The following ALG14 variants were observed in gnomAD, a reference collection of about 807,000 sequenced individuals.
ALG14 encodes the protein UDP-N-acetylglucosamine transferase subunit ALG14.
In ALG14, 17 loss-of-function variants were observed where a neutral mutation model predicts 22.8. The ratio of observed to expected loss-of-function variants is 0.75; its 90% CI spans 0.51 to 1.12. The LOEUF (loss-of-function observed/expected upper bound fraction) is 1.12, where lower values mean the gene tolerates loss of function less well. Ranked by LOEUF, ALG14 falls within the 50% of genes most tolerant of loss-of-function variation. ALG14 has a pLI of 0.00. For missense variants in ALG14, 288 were observed against 271.8 expected (o/e 1.06, Z -0.42); for synonymous variants, 89 against 103.7 (o/e 0.86, Z 0.86).
intron 3 of ALG14, among the ~76,000 whole-genome samples, chr1:95,008,339 CTT>C (rs1283781856): frequency 1.3e-5 from 2 of 152,172 alleles, no homozygotes; most frequent in East Asian, 1.9e-4. Flanking sequence ...TATGTGAACA[CTT>C]ATCACAAAAT....
chr1:95,014,731 C>T (rs1287058255), intron 3 of ALG14, among the ~76,000 whole-genome samples: 1 of 151,960 alleles, frequency 6.6e-6, no homozygotes, highest in East Asian at 1.9e-4. Flanking sequence ...AAATAAAAAG[C>T]TTATAACAAA....
chr1:95,044,945 G>T (rs1674498888), intron 2 of ALG14, among the ~76,000 whole-genome samples: 2 of 151,912 alleles, frequency 1.3e-5, no homozygotes, highest in Admixed American at 1.3e-4. Context: ...GAAAATCTTT[G>T]TTAAGTTTTT....
At chr1:95,053,852 A>C (rs990734203) in intron 2 of ALG14, among the ~76,000 whole-genome samples, 1 of 152,196 alleles carries the variant, frequency 6.6e-6, no homozygotes, top group Non-Finnish European at 1.5e-5. Context: ...TGGGGAATAT[A>C]ATTTCTTTTT....
At chr1:95,056,691 T>C (rs912444345) in intron 2 of ALG14, among the ~76,000 whole-genome samples, 1 of 151,900 alleles carries the variant, frequency 6.6e-6, no homozygotes, top group Admixed American at 6.6e-5. Context: ...AACACTTGAG[T>C]ATAACTCTAT....
At chr1:95,056,034 A>G (rs1315656776) in intron 2 of ALG14, among the ~76,000 whole-genome samples, 2 of 151,236 alleles carry the variant, frequency 1.3e-5, no homozygotes, top group South Asian at 2.1e-4. Flanking sequence ...AAACAAAAAC[A>G]AAAACAAAAA....
At position 95,069,882 on chromosome 1, in the gene ALG14, T is replaced by TGTAAAA. The variant is rs769578683; in HGVS notation, c.136+2880_136+2881insTTTTAC. On this transcript the variant is annotated intron_variant, in intron 1 of 3. Coordinates refer to ENST00000370205, the MANE Select transcript of ALG14 (RefSeq NM_144988.4). ...TACTACTCTAATTTTACTCCACCTT[T>TGTAAAA]CTGTGTAAAAACTGGCCATAAAGAA... Among the ~76,000 whole-genome samples the TGTAAAA allele has an allele frequency of 9.2e-3, 1,399 of 152,122 alleles. 14 individuals are homozygous for TGTAAAA. Among genetic ancestry groups the TGTAAAA allele is most frequent in the Non-Finnish European group, 0.015 (987 of 67,994 alleles).
chr1:95,069,570 A>T (rs1675492605), intron 1 of ALG14, among the ~76,000 whole-genome samples: 1 of 148,672 alleles, frequency 6.7e-6, no homozygotes, highest in South Asian at 2.1e-4. Context: ...TCAAACCTAG[A>T]CTAAATGACA....
intron 3 of ALG14, among the ~76,000 whole-genome samples, chr1:95,003,545 G>A (rs956074520): frequency 2.6e-5 from 4 of 151,578 alleles, no homozygotes; most frequent in South Asian, 2.1e-4. Flanking sequence ...GACCTCCTGG[G>A]GTCAAGTGAG....
At position 95,027,105 on chromosome 1, in the gene ALG14, C is replaced by T. The variant is rs376473493; in HGVS notation, c.420+24G>A. 2.5e-6 allele frequency: 4 copies of T among 1,612,718 alleles called. No individual in the cohort carries two copies. The African/African-American group carries it at 4.0e-5, about 16-fold the overall frequency. ...AGATCTACAGGGAGTTACTTTCTCTCTCCTTAGTGATGGTCTTACTTACCA... is the reference window on the plus strand; with the variant it reads ...AGATCTACAGGGAGTTACTTTCTCTTTCCTTAGTGATGGTCTTACTTACCA... On this transcript the variant is annotated intron_variant, in intron 3 of 3. Transcript: ENST00000370205.
At chr1:94,988,977 G>A (rs1672707292) in intron 3 of ALG14, among the ~76,000 whole-genome samples, 1 of 152,050 alleles carries the variant, frequency 6.6e-6, no homozygotes, top group South Asian at 2.1e-4. Flanking sequence ...ATTTGCAATT[G>A]TGAGAGCTTA....
At chr1:95,050,399 G>A (rs981263150) in intron 2 of ALG14, among the ~76,000 whole-genome samples, 2 of 152,124 alleles carry the variant, frequency 1.3e-5, no homozygotes, top group Non-Finnish European at 2.9e-5. Flanking sequence ...CACAAATGGT[G>A]CAGAATAGGC....
intron 3 of ALG14, among the ~76,000 whole-genome samples, chr1:95,026,121 A>C (rs1049678076): frequency 6.6e-6 from 1 of 152,036 alleles, no homozygotes; most frequent in African/African-American, 2.4e-5. Flanking sequence ...TTTAGTAGAG[A>C]CAGGGTTTCA....
chr1:95,018,161 G>GA (rs1046220812), intron 3 of ALG14, among the ~76,000 whole-genome samples: 5 of 151,770 alleles, frequency 3.3e-5, no homozygotes, highest in African/African-American at 9.7e-5. Flanking sequence ...ATGCAAACCA[G>GA]AAAAAAAAGT....
At chr1:95,047,105 G>A (rs1278847259) in intron 2 of ALG14, among the ~76,000 whole-genome samples, 2 of 152,058 alleles carry the variant, frequency 1.3e-5, no homozygotes, top group Non-Finnish European at 2.9e-5. Context: ...AAAAGTTGCA[G>A]ACAATATATA....
chr1:95,014,594 G>A (rs1673452205), intron 3 of ALG14, among the ~76,000 whole-genome samples: 1 of 152,046 alleles, frequency 6.6e-6, no homozygotes, highest in Non-Finnish European at 1.5e-5. Context: ...GCTCACAGCA[G>A]TTACTCAATA....
intron 3 of ALG14, among the ~76,000 whole-genome samples, chr1:95,017,848 A>G (rs1036370749): frequency 5.9e-5 from 9 of 152,216 alleles, no homozygotes; most frequent in Admixed American, 1.3e-4. Context: ...GAGGCACTGG[A>G]GCTCCAAGGA....
Position 94,986,773 on chromosome 1 carries a change from T to C in ALG14, c.421-3467A>G, listed in dbSNP as rs1185042849. ...GGCATCAGTCACTGCGCCTGGCCCTTTTTTTTTTTTTTTTTAACCATCCCA... is the reference window on the plus strand; with the variant it reads ...GGCATCAGTCACTGCGCCTGGCCCTCTTTTTTTTTTTTTTTAACCATCCCA... On this transcript the variant is annotated intron_variant, in intron 3 of 3. Coordinates refer to ENST00000370205, the MANE Select transcript of ALG14 (RefSeq NM_144988.4). 1.7e-4 allele frequency among the ~76,000 whole-genome samples: 25 copies of C among 143,086 alleles called. 1 individual carries two copies. Among genetic ancestry groups the C allele is most frequent in the Non-Finnish European group, 2.8e-4 (18 of 64,932 alleles). The allele number at this position is 143,086 out of a possible 152,430, so 93.9% of individuals were successfully genotyped here.
At chr1:95,048,305 T>C (rs542741328) in intron 2 of ALG14, among the ~76,000 whole-genome samples, 2 of 152,354 alleles carry the variant, frequency 1.3e-5, no homozygotes, top group East Asian at 1.9e-4. Context: ...GTTTTATATA[T>C]GAAAAACTCT....
rs74403078 is a variant in ALG14, at chr1:95,045,643, T to A, written c.289-18383A>T. 2.3e-3 allele frequency among the ~76,000 whole-genome samples: 354 copies of A among 151,638 alleles called. 3 individuals are homozygous for A. The East Asian group carries it at 0.033, about 14-fold the overall frequency. ...TATTAGTATATTAATAGAATTAGTA[T>A]AATAGTATACTAACAGAATGGTATA... On this transcript the variant is annotated intron_variant, in intron 2 of 3. Transcript: ENST00000370205.
Sources: gnomAD v4.1 joint callset for allele counts (sites outside exome capture counted in the v4.1 genomes callset) on GRCh38, gnomAD v4.1.1 for gene constraint, MANE v1.5 for transcripts, NCBI Gene and HGNC (gene_info 2026-07-23, HGNC 2026-07-21) for gene names.